DCLK1: variants seen among roughly 807,000 people sequenced by gnomAD.
The protein encoded by DCLK1 is doublecortin like kinase 1.
Under a neutral mutation model 86.2 loss-of-function variants are expected in DCLK1, and 16 were observed. The observed-to-expected ratio is 0.19, with a 90% CI of 0.13 to 0.28. The LOEUF (loss-of-function observed/expected upper bound fraction) is 0.28. DCLK1 is among the 10% of genes least tolerant of loss of function. The pLI is 1.00. For missense variants in DCLK1, 590 were observed against 940.2 expected (o/e 0.63, Z 4.87); for synonymous variants, 369 against 370.5 (o/e 1.00, Z 0.05).
intron 3 of DCLK1, among the ~76,000 whole-genome samples, chr13:36,045,788 G>A (rs1882891270): frequency 6.6e-6 from 1 of 151,888 alleles, no homozygotes. Flanking sequence ...GGGAGGCAGA[G>A]GTTGCAGTGA....
intron 4 of DCLK1, among the ~76,000 whole-genome samples, chr13:35,887,477 C>A (rs1436024091): frequency 6.6e-6 from 1 of 152,162 alleles, no homozygotes; most frequent in Non-Finnish European, 1.5e-5. Flanking sequence ...TCACAATTCC[C>A]AAGGGAGGCT....
At chr13:35,837,694 A>C (rs1177111529) in intron 7 of DCLK1, among the ~76,000 whole-genome samples, 4 of 152,010 alleles carry the variant, frequency 2.6e-5, no homozygotes, top group Non-Finnish European at 5.9e-5. Context: ...TCACTGAGAC[A>C]CCCATTCAAA....
At chr13:36,124,685 C>T (rs1471201653) in intron 2 of DCLK1, among the ~76,000 whole-genome samples, 1 of 152,156 alleles carries the variant, frequency 6.6e-6, no homozygotes, top group Non-Finnish European at 1.5e-5. Flanking sequence ...CCTCCTGGAC[C>T]CAGTTGAGTT....
At chr13:36,074,261 G>C (rs1884085445) in intron 3 of DCLK1, among the ~76,000 whole-genome samples, 1 of 151,968 alleles carries the variant, frequency 6.6e-6, no homozygotes, top group African/African-American at 2.4e-5. Flanking sequence ...CCAGCACTTT[G>C]GGAGGCCGAG....
chr13:35,915,535 T>C (rs1400078242), intron 4 of DCLK1, among the ~76,000 whole-genome samples: 1 of 152,148 alleles, frequency 6.6e-6, no homozygotes, highest in African/African-American at 2.4e-5. Context: ...ATCTCTTCTC[T>C]ACTAAAAGAA....
rs555705796 is a variant in DCLK1 at position 35,950,304 on chromosome 13, T to C, written c.724-2847A>G. Among the ~76,000 whole-genome samples the C allele has an allele frequency of 2.0e-5, 3 of 152,332 alleles. No homozygotes were observed. In the East Asian group the frequency reaches 5.8e-4, roughly 29 times the overall value. Reference sequence around the variant, plus strand: ...TATCCACGCGCTCATGCATTATCATTGATACAGAGGTAGCTGTAATGTATT... The same window carrying C: ...TATCCACGCGCTCATGCATTATCATCGATACAGAGGTAGCTGTAATGTATT... On this transcript the variant is annotated intron_variant, in intron 3 of 16. Transcript: ENST00000360631.
chr13:35,800,883 ATTTT>A (rs34873101), intron 15 of DCLK1, among the ~76,000 whole-genome samples: 3 of 135,296 alleles, frequency 2.2e-5, no homozygotes, highest in Non-Finnish European at 4.7e-5. Context: ...TGCTGGGCTA[ATTTT>A]TTTTTTTTTT....
intron 4 of DCLK1, among the ~76,000 whole-genome samples, chr13:35,881,134 A>G (rs1872873007): frequency 6.6e-6 from 1 of 152,208 alleles, no homozygotes; most frequent in Non-Finnish European, 1.5e-5. Flanking sequence ...GCCTACCAGA[A>G]GGTAGCACAC....
At chr13:35,806,082 TTGTC>T (rs2087021373) in intron 14 of DCLK1, among the ~76,000 whole-genome samples, 1 of 152,216 alleles carries the variant, frequency 6.6e-6, no homozygotes, top group African/African-American at 2.4e-5. Context: ...ATTCCTTTCT[TTGTC>T]TAGCATTTTG....
At chr13:36,016,680 AAC>A (rs1473956433) in intron 3 of DCLK1, among the ~76,000 whole-genome samples, 3 of 152,220 alleles carry the variant, frequency 2.0e-5, no homozygotes, top group Non-Finnish European at 4.4e-5. Context: ...TTTATCCTCG[AAC>A]AATAGAAACA....
At chr13:35,900,257 T>TC (rs1874270847) in intron 4 of DCLK1, among the ~76,000 whole-genome samples, 1 of 151,328 alleles carries the variant, frequency 6.6e-6, no homozygotes, top group Admixed American at 6.6e-5. Context: ...TTTTTTTTTT[T>TC]TGAGACAGAG....
chr13:35,972,604 G>C (rs1879123581), intron 3 of DCLK1, among the ~76,000 whole-genome samples: 1 of 152,112 alleles, frequency 6.6e-6, no homozygotes, highest in South Asian at 2.1e-4. Context: ...GAAGTGACAA[G>C]GAGCAAGTGG....
intron 5 of DCLK1, among the ~76,000 whole-genome samples, chr13:35,854,808 A>G (rs1870930284): frequency 6.6e-6 from 1 of 152,224 alleles, no homozygotes; most frequent in African/African-American, 2.4e-5. Flanking sequence ...AGCAGGTTAC[A>G]GAATTATTTT....
At chr13:36,057,238 A>T (rs559039550) in intron 3 of DCLK1, among the ~76,000 whole-genome samples, 2 of 152,260 alleles carry the variant, frequency 1.3e-5, no homozygotes, top group East Asian at 1.9e-4. Flanking sequence ...AACAAATCAG[A>T]ACCATGGATA....
chr13:35,802,248 C>A (rs1421242778), intron 15 of DCLK1, among the ~76,000 whole-genome samples: 1 of 151,888 alleles, frequency 6.6e-6, no homozygotes, highest in East Asian at 1.9e-4. Flanking sequence ...GGGAGGATTG[C>A]CTGAGCCCAG....
At chr13:36,084,489 T>C (rs1181846613) in intron 3 of DCLK1, among the ~76,000 whole-genome samples, 1 of 152,182 alleles carries the variant, frequency 6.6e-6, no homozygotes, top group Non-Finnish European at 1.5e-5. Context: ...GGAAGTCTTG[T>C]TGAAGAATCA....
chr13:36,084,792 C>T (rs1352831848), intron 3 of DCLK1, among the ~76,000 whole-genome samples: 6 of 152,158 alleles, frequency 3.9e-5, no homozygotes, highest in African/African-American at 7.2e-5. Flanking sequence ...AAATGGCCTT[C>T]GCTACTGGTT....
intron 8 of DCLK1, 63 bp downstream of exon 8, chr13:35,835,970 A>G: frequency 1.7e-6 from 2 of 1,211,010 alleles, no homozygotes; most frequent in Non-Finnish European, 2.4e-6. Flanking sequence ...TAGAGACACA[A>G]TCTTGGAAAA....
At chr13:35,811,900 T>G (rs563965680) in intron 11 of DCLK1, among the ~76,000 whole-genome samples, 1 of 152,282 alleles carries the variant, frequency 6.6e-6, no homozygotes, top group Non-Finnish European at 1.5e-5. Flanking sequence ...AAAACTATAC[T>G]TATAGTAAAA....
Sources: gnomAD v4.1 joint callset for allele counts (sites outside exome capture counted in the v4.1 genomes callset) on GRCh38, gnomAD v4.1.1 for gene constraint, MANE v1.5 for transcripts, NCBI Gene and HGNC (gene_info 2026-07-23, HGNC 2026-07-21) for gene names.